Variants in DCC observed in about 807,000 individuals in gnomAD.
DCC encodes the protein DCC netrin 1 receptor, also known as netrin receptor DCC.
In DCC, 58 loss-of-function variants were observed where a neutral mutation model predicts 172.5. The ratio of observed to expected loss-of-function variants is 0.34; its 90% CI spans 0.27 to 0.42. The LOEUF (loss-of-function observed/expected upper bound fraction) is 0.42, where lower values mean the gene tolerates loss of function less well. Among genes scored for constraint, DCC ranks in the 10% least tolerant of loss-of-function variants. DCC has a pLI of 1.00. For missense variants in DCC, 1,740 were observed against 1,791.0 expected (o/e 0.97, Z 0.51); for synonymous variants, 709 against 644.5 (o/e 1.10, Z -1.52).
chr18:53,309,434 C>A (rs967828689), intron 13 of DCC, among the ~76,000 whole-genome samples: 1 of 152,130 alleles, frequency 6.6e-6, no homozygotes, highest in Non-Finnish European at 1.5e-5. Context: ...ACTGTAAAGA[C>A]CCTATTTCCA....
chr18:52,807,769 T>A lies in DCC; in HGVS notation c.412+55395T>A, dbSNP rs527936423. Among the ~76,000 whole-genome samples the A allele has an allele frequency of 7.2e-4, 110 of 152,226 alleles. 2 individuals carry two copies. In the South Asian group the frequency reaches 0.012, roughly 17 times the overall value. On this transcript the variant is annotated intron_variant, in intron 2 of 28. Transcript: ENST00000442544. ...CAACTCTACTGCAAACAGGTGTTTA[T>A]CCTCTTTGCGAAATGCTGCTTTAAC...
intron 7 of DCC, among the ~76,000 whole-genome samples, chr18:53,068,656 G>T (rs2042608476): frequency 6.6e-6 from 1 of 151,994 alleles, no homozygotes; most frequent in Non-Finnish European, 1.5e-5. Context: ...CCCTGTACCT[G>T]CTCACAGGGA....
intron 21 of DCC, among the ~76,000 whole-genome samples, chr18:53,420,378 G>GCTGATTACATGATC (rs1910575864): frequency 6.6e-6 from 1 of 152,144 alleles, no homozygotes; most frequent in Non-Finnish European, 1.5e-5. Flanking sequence ...TGGCAACAGC[G>GCTGATTACATGATC]CTGATTACAT....
intron 1 of DCC, among the ~76,000 whole-genome samples, chr18:52,645,473 C>T (rs1445721467): frequency 6.6e-6 from 1 of 152,088 alleles, no homozygotes; most frequent in Admixed American, 6.5e-5. Context: ...CATGAGATAA[C>T]TGGATATTAT....
intron 12 of DCC, among the ~76,000 whole-genome samples, chr18:53,303,876 T>C (rs560151043): frequency 1.2e-4 from 18 of 152,182 alleles, no homozygotes; most frequent in African/African-American, 4.3e-4. Flanking sequence ...CATGAACAAA[T>C]TGAAGGATGG....
intron 1 of DCC, among the ~76,000 whole-genome samples, chr18:52,716,702 A>G (rs1568060381): frequency 6.6e-6 from 1 of 152,196 alleles, no homozygotes. Flanking sequence ...AAATATCAGC[A>G]TCTTCCGTTT....
chr18:53,047,425 TTACATATATATATATATATATATATA>T (rs2042264927), intron 5 of DCC, among the ~76,000 whole-genome samples: 1 of 47,576 alleles, frequency 2.1e-5, no homozygotes, highest in Non-Finnish European at 4.3e-5. Context: ...ATTATATATT[TTACATATATATATATATATATATATA>T]TATATATATA....
intron 9 of DCC, among the ~76,000 whole-genome samples, chr18:53,199,711 C>G (rs2055506101): frequency 6.6e-6 from 1 of 151,860 alleles, no homozygotes; most frequent in Non-Finnish European, 1.5e-5. Flanking sequence ...TTTAATAGCT[C>G]AAGTGAAACA....
At chr18:52,880,488 A>G (rs1212903846) in intron 2 of DCC, among the ~76,000 whole-genome samples, 9 of 152,106 alleles carry the variant, frequency 5.9e-5, no homozygotes, top group Admixed American at 5.2e-4. Context: ...TCCCGTAACC[A>G]TCCCCACTTC....
At chr18:53,302,215 G>A (rs1386623396) in intron 12 of DCC, among the ~76,000 whole-genome samples, 1 of 151,790 alleles carries the variant, frequency 6.6e-6, no homozygotes, top group Non-Finnish European at 1.5e-5. Flanking sequence ...TAAGATACAG[G>A]AGTAATAACT....
chr18:53,159,374 T>C (rs1055378628), intron 8 of DCC, among the ~76,000 whole-genome samples: 2 of 152,180 alleles, frequency 1.3e-5, no homozygotes, highest in Non-Finnish European at 2.9e-5. Context: ...AACACTACCA[T>C]TCCTCGTGAA....
At chr18:52,591,094 C>T (rs538010364) in intron 1 of DCC, among the ~76,000 whole-genome samples, 24 of 152,190 alleles carry the variant, frequency 1.6e-4, no homozygotes, top group African/African-American at 5.3e-4. Flanking sequence ...AAATGTCTAC[C>T]ATTGCTTAGA....
At position 53,305,569 on chromosome 18, in the gene DCC, A is replaced by C. The variant is rs369570408; in HGVS notation, c.1912-9A>C. On this transcript the variant is annotated splice_polypyrimidine_tract_variant and intron_variant, in intron 12 of 28. Transcript: ENST00000442544. ...TTCAATGTTTTAATTTACACCTATT[A>C]TTTTACAGAGTATCAAAGTTAGCTG... The C allele has an allele frequency of 5.6e-6, 9 of 1,606,076 alleles. No homozygotes were observed. Among genetic ancestry groups the C allele is most frequent in the Non-Finnish European group, 6.8e-6 (8 of 1,172,956 alleles).
chr18:52,473,996 T>A (rs942410378), intron 1 of DCC, among the ~76,000 whole-genome samples: 2 of 152,094 alleles, frequency 1.3e-5, no homozygotes, highest in African/African-American at 2.4e-5. Context: ...TCTTTTTTTT[T>A]ACTGCTCCTT....
At chr18:53,034,586 G>T (rs2042067189) in intron 5 of DCC, among the ~76,000 whole-genome samples, 1 of 151,920 alleles carries the variant, frequency 6.6e-6, no homozygotes, top group African/African-American at 2.4e-5. Flanking sequence ...TGTGGCAGTA[G>T]CCTCTCAGCT....
intron 1 of DCC, among the ~76,000 whole-genome samples, chr18:52,605,739 AC>A (rs2034119451): frequency 1.3e-5 from 2 of 152,024 alleles, no homozygotes; most frequent in South Asian, 4.1e-4. Context: ...TAATGACTAG[AC>A]TTTATTTGGG....
intron 1 of DCC, among the ~76,000 whole-genome samples, chr18:52,656,216 GT>G (rs2035251966): frequency 6.6e-6 from 1 of 151,678 alleles, no homozygotes; most frequent in Non-Finnish European, 1.5e-5. Context: ...AAGTGATGGT[GT>G]TAGGAGATGG....
At chr18:53,331,418 G>A (rs1599031877) in intron 14 of DCC, among the ~76,000 whole-genome samples, 1 of 152,160 alleles carries the variant, frequency 6.6e-6, no homozygotes, top group East Asian at 1.9e-4. Flanking sequence ...CTGATCAAAT[G>A]CTTCATGGTA....
intron 2 of DCC, among the ~76,000 whole-genome samples, chr18:52,825,583 G>A (rs1435045886): frequency 6.6e-6 from 1 of 152,076 alleles, no homozygotes; most frequent in Non-Finnish European, 1.5e-5. Flanking sequence ...GATGCAAAAA[G>A]TACAACACTC....
Sources: allele counts gnomAD v4.1 joint callset (sites outside exome capture counted in the v4.1 genomes callset), GRCh38; gene constraint gnomAD v4.1.1; transcripts MANE v1.5; gene names NCBI Gene and HGNC (gene_info 2026-07-23, HGNC 2026-07-21).